Variants in SOCS6 observed in about 807,000 individuals in gnomAD.
SOCS6 encodes the protein suppressor of cytokine signaling 6.
A neutral mutation model predicts 27.7 loss-of-function variants in SOCS6; 5 were observed. That is an observed-to-expected ratio of 0.18 (90% confidence interval 0.09 to 0.38). SOCS6 has a LOEUF of 0.38. SOCS6 is among the 10% of genes least tolerant of loss of function. The pLI is 1.00. For missense variants in SOCS6, 595 were observed against 688.1 expected (o/e 0.86, Z 1.51); for synonymous variants, 271 against 260.0 (o/e 1.04, Z -0.41).
At chr18:70,297,411 C>G (rs995827662) in intron 1 of SOCS6, among the ~76,000 whole-genome samples, 1 of 151,844 alleles carries the variant, frequency 6.6e-6, no homozygotes, top group Admixed American at 6.6e-5. Context: ...ATATTAAACC[C>G]TTCGTTTTTG....
chr18:70,299,430 C>T (rs1389644382), intron 1 of SOCS6, among the ~76,000 whole-genome samples: 1 of 152,120 alleles, frequency 6.6e-6, no homozygotes, highest in Non-Finnish European at 1.5e-5. Context: ...AGTTTCTGTG[C>T]CCTCCTAGGG....
intron 1 of SOCS6, among the ~76,000 whole-genome samples, chr18:70,307,524 C>G (rs4891842): frequency 6.6e-6 from 1 of 152,050 alleles, no homozygotes; most frequent in Non-Finnish European, 1.5e-5. Flanking sequence ...ATTCCTTACT[C>G]GTTATAGGTC....
intron 1 of SOCS6, among the ~76,000 whole-genome samples, chr18:70,307,470 C>T (rs749868125): frequency 2.0e-5 from 3 of 152,260 alleles, no homozygotes; most frequent in South Asian, 4.2e-4. Flanking sequence ...TGAAGCCACC[C>T]GAGCCTGACC....
chr18:70,297,299 G>A (rs2062328637), intron 1 of SOCS6, among the ~76,000 whole-genome samples: 1 of 151,408 alleles, frequency 6.6e-6, no homozygotes, highest in Non-Finnish European at 1.5e-5. Context: ...TCGTTCCTGT[G>A]TTTTTGGGGA....
chr18:70,328,854 A>T lies in SOCS6; in HGVS notation c.*2578A>T, dbSNP rs756028060. 3 of 166,802 alleles carry T rather than the reference A, an allele frequency of 1.8e-5. No homozygotes were observed. The East Asian group carries it at 5.8e-4, about 32-fold the overall frequency. The allele number at this position is 166,802 out of a possible 1,614,324, so 10.3% of individuals were successfully genotyped here. On this transcript the variant is annotated 3_prime_UTR_variant, in exon 2 of 2. Coordinates refer to ENST00000397942, the MANE Select transcript of SOCS6 (RefSeq NM_004232.4). ...GAAACAGGGAAAAGAGAGAGAGAAAACTCATCATTTAGTTTGGTCTAGACA... is the reference window on the plus strand; with the variant it reads ...GAAACAGGGAAAAGAGAGAGAGAAATCTCATCATTTAGTTTGGTCTAGACA...
intron 1 of SOCS6, among the ~76,000 whole-genome samples, chr18:70,291,994 G>A (rs536082225): frequency 1.4e-4 from 22 of 152,290 alleles, no homozygotes; most frequent in Non-Finnish European, 2.8e-4. Context: ...GCTGTTTGGC[G>A]TGTTGGTTTA....
intron 1 of SOCS6, among the ~76,000 whole-genome samples, chr18:70,312,290 G>T (rs1178577260): frequency 6.6e-6 from 1 of 152,002 alleles, no homozygotes; most frequent in East Asian, 1.9e-4. Flanking sequence ...ACCAATATTA[G>T]GTCAATGATC....
At chr18:70,307,133 C>T (rs2062372751) in intron 1 of SOCS6, among the ~76,000 whole-genome samples, 1 of 152,072 alleles carries the variant, frequency 6.6e-6, no homozygotes, top group Non-Finnish European at 1.5e-5. Context: ...TGTGCTGGTG[C>T]GTGCCTGTAG....
chr18:70,317,194 C>G (rs1202101890), intron 1 of SOCS6, among the ~76,000 whole-genome samples: 1 of 152,006 alleles, frequency 6.6e-6, no homozygotes, highest in Non-Finnish European at 1.5e-5. Context: ...GTCTTTTATC[C>G]CTCACCCCCT....
chr18:70,329,987 T>G lies in SOCS6; in HGVS notation c.*3711T>G. 1 of 167,198 alleles carries G rather than the reference T, an allele frequency of 6.0e-6. No individual in the cohort carries two copies. The allele number at this position is 167,198 out of a possible 1,614,324, so 10.4% of individuals were successfully genotyped here. On this transcript the variant is annotated 3_prime_UTR_variant, in exon 2 of 2. Transcript: ENST00000397942. ...TACTTGCAATTCAGATTGCGGTAGT[T>G]TACACTTTTTCTGTATGTTTCAAAT... is the stretch of plus-strand genomic sequence containing the variant.
At chr18:70,292,390 G>T (rs1192118688) in intron 1 of SOCS6, among the ~76,000 whole-genome samples, 3 of 152,204 alleles carry the variant, frequency 2.0e-5, no homozygotes, top group Non-Finnish European at 4.4e-5. Flanking sequence ...GCCCAGGCTG[G>T]AGTGCAGTGG....
chr18:70,326,387 T>C lies in SOCS6; in HGVS notation c.*111T>C. On this transcript the variant is annotated 3_prime_UTR_variant, in exon 2 of 2. Transcript: ENST00000397942. ...CTTTTGCTGCCATAACTATTTCAGT[T>C]TTATGTGTAAAAGAGTCATCAGTTT... 1.1e-6 allele frequency: 1 copy of C among 945,908 alleles called. No individual in the cohort carries two copies. Among genetic ancestry groups the C allele is most frequent in the East Asian group, 2.5e-5 (1 of 39,388 alleles). The allele number at this position is 945,908 out of a possible 1,614,324, so 58.6% of individuals were successfully genotyped here.
intron 1 of SOCS6, among the ~76,000 whole-genome samples, chr18:70,301,332 T>C (rs998390229): frequency 6.6e-6 from 1 of 152,154 alleles, no homozygotes; most frequent in Non-Finnish European, 1.5e-5. Context: ...ACTAGTATAG[T>C]GGCAAAAAGT....
At chr18:70,323,817 C>T (rs1005146094) in intron 1 of SOCS6, among the ~76,000 whole-genome samples, 2 of 152,124 alleles carry the variant, frequency 1.3e-5, no homozygotes, top group African/African-American at 4.8e-5. Flanking sequence ...TATGGAACGC[C>T]TTTACTGTCG....
At chr18:70,320,507 A>G (rs980207396) in intron 1 of SOCS6, among the ~76,000 whole-genome samples, 3 of 152,100 alleles carry the variant, frequency 2.0e-5, no homozygotes, top group Admixed American at 6.5e-5. Context: ...CACAGTTTCA[A>G]TTACCACAGT....
At chr18:70,309,645 C>G (rs1188787250) in intron 1 of SOCS6, among the ~76,000 whole-genome samples, 1 of 152,060 alleles carries the variant, frequency 6.6e-6, no homozygotes, top group East Asian at 1.9e-4. Context: ...AGACACTTGG[C>G]TTCATGTCTC....
Position 70,325,369 on chromosome 18 carries a change from T to C in SOCS6, c.701T>C (p.Leu234Ser), listed in dbSNP as rs1260826106. ...CCTTTAGATGAGGGGATGTATCCTT[T>C]GGAAGGATCACGGAGCTATTGTCTG... is the stretch of plus-strand genomic sequence containing the variant. ...TVPLDEGMYPLEGSRSYCLDS... is the reference protein window; with the variant it reads ...TVPLDEGMYPSEGSRSYCLDS... The change falls in exon 2 of 2, where the codon TTG (leucine) becomes TCG (serine). Residue 234 changes from leucine (L) to serine (S), a missense_variant. By Grantham distance (145) the Leu-to-Ser change is moderately radical. Transcript: ENST00000397942. This position sits in a 1 kb window ranked among gnomAD's most constrained non-coding sequence, Gnocchi z 6.3. 1 of 1,614,046 alleles carries C rather than the reference T, an allele frequency of 6.2e-7. No individual in the cohort carries two copies. Among genetic ancestry groups the C allele is most frequent in the African/African-American group, 1.3e-5 (1 of 74,930 alleles).
At chr18:70,307,591 A>G (rs543414151) in intron 1 of SOCS6, among the ~76,000 whole-genome samples, 40 of 151,922 alleles carry the variant, frequency 2.6e-4, no homozygotes, top group African/African-American at 9.4e-4. Flanking sequence ...TCTTTCTAGG[A>G]TTTTGTCCAT....
Position 70,329,264 on chromosome 18 carries a change from A to G in SOCS6, c.*2988A>G, listed in dbSNP as rs1312841652. On this transcript the variant is annotated 3_prime_UTR_variant, in exon 2 of 2. Coordinates refer to ENST00000397942, the MANE Select transcript of SOCS6 (RefSeq NM_004232.4). ...TGTCACAGGAAATGATCATAGACCT[A>G]AAAATAGTTTTTAAGGAAACCAGCT... 1 of 167,098 alleles carries G rather than the reference A, an allele frequency of 6.0e-6. No individual in the cohort carries two copies. The highest frequency in any genetic ancestry group is 1.5e-5 in the Non-Finnish European group (1 of 68,112). The allele number at this position is 167,098 out of a possible 1,614,324, so 10.4% of individuals were successfully genotyped here.
Sources: allele counts gnomAD v4.1 joint callset (sites outside exome capture counted in the v4.1 genomes callset), GRCh38; gene constraint gnomAD v4.1.1; non-coding constraint Gnocchi (gnomAD v3.1); transcripts MANE v1.5; gene names NCBI Gene and HGNC (gene_info 2026-07-23, HGNC 2026-07-21).